Variants in COL23A1 observed in about 807,000 individuals in gnomAD.
COL23A1 encodes collagen type XXIII alpha 1 chain.
COL23A1 carries 97 observed loss-of-function variants against 99.3 expected under a neutral mutation model. That is an observed-to-expected ratio of 0.98 (90% CI 0.83 to 1.16). The LOEUF (loss-of-function observed/expected upper bound fraction) is 1.16. Ranked by LOEUF, COL23A1 falls within the 50% of genes most tolerant of loss-of-function variation. The pLI is 0.00. For missense variants in COL23A1, 762 were observed against 757.4 expected (o/e 1.01, Z -0.07); for synonymous variants, 320 against 308.2 (o/e 1.04, Z -0.40).
chr5:178,335,753 G>A (rs985890616), intron 2 of COL23A1, among the ~76,000 whole-genome samples: 1 of 152,208 alleles, frequency 6.6e-6, no homozygotes, highest in African/African-American at 2.4e-5. Context: ...CTAGGAACTA[G>A]ACCTAGGACA....
intron 2 of COL23A1, among the ~76,000 whole-genome samples, chr5:178,551,299 T>C (rs1025951399): frequency 5.9e-5 from 9 of 151,910 alleles, no homozygotes; most frequent in Non-Finnish European, 1.3e-4. Flanking sequence ...CAGATTCCAA[T>C]GGTCAGCACA....
rs535148938 is a variant in COL23A1 at position 178,313,944 on chromosome 5, C to T, written c.362-7025G>A. On this transcript the variant is annotated intron_variant, in intron 2 of 28. Coordinates refer to ENST00000390654, the MANE Select transcript of COL23A1 (RefSeq NM_173465.4). This position sits in a 1 kb window ranked among gnomAD's most constrained non-coding sequence, Gnocchi z 4.2. The stretch of plus-strand genomic sequence containing the variant: ...TTTGTTTTACAAGTCTCAGACCAAC[C>T]TCAGAGCTGAAAACTGCCCAACAAG... Among the ~76,000 whole-genome samples the T allele has an allele frequency of 1.3e-5, 2 of 152,248 alleles. No individual in the cohort carries two copies. The highest frequency in any genetic ancestry group is 4.2e-4 in the South Asian group (2 of 4,814).
chr5:178,247,713 C>T (rs1167199182), intron 21 of COL23A1, 62 bp downstream of exon 21: 13 of 1,562,722 alleles, frequency 8.3e-6, no homozygotes, highest in Non-Finnish European at 1.1e-5. Flanking sequence ...TGGGACCTAG[C>T]CCCCACCCCG....
intron 17 of COL23A1, among the ~76,000 whole-genome samples, chr5:178,251,020 A>G (rs920586394): frequency 7.9e-6 from 1 of 126,568 alleles, no homozygotes; most frequent in Non-Finnish European, 1.6e-5. Context: ...TCTAATCGCA[A>G]GATAATTTTT....
At chr5:178,501,574 C>CAAA (rs11343683) in intron 2 of COL23A1, among the ~76,000 whole-genome samples, 1 of 100,006 alleles carries the variant, frequency 1.0e-5, no homozygotes, top group East Asian at 2.8e-4. Context: ...GGCTCTGTCT[C>CAAA]AAAAAAAAAA....
intron 16 of COL23A1, among the ~76,000 whole-genome samples, chr5:178,254,239 C>T (rs2127542215): frequency 6.6e-6 from 1 of 152,294 alleles, no homozygotes; most frequent in Non-Finnish European, 1.5e-5. Context: ...GCCTGGGACA[C>T]ATCATGCATG....
chr5:178,478,367 G>T (rs1757142832), intron 2 of COL23A1, among the ~76,000 whole-genome samples: 1 of 152,212 alleles, frequency 6.6e-6, no homozygotes, highest in Non-Finnish European at 1.5e-5. Context: ...GTTCCCCTGG[G>T]CTATGAGGAG....
At chr5:178,581,590 G>T (rs903293295) in intron 1 of COL23A1, among the ~76,000 whole-genome samples, 2 of 148,726 alleles carry the variant, frequency 1.3e-5, no homozygotes, top group Non-Finnish European at 3.0e-5. Flanking sequence ...AAATTAAAAC[G>T]AAAAACAAAG....
At chr5:178,552,016 A>G (rs1391590285) in intron 2 of COL23A1, among the ~76,000 whole-genome samples, 1 of 152,000 alleles carries the variant, frequency 6.6e-6, no homozygotes. Flanking sequence ...TGCATCCCCC[A>G]TCCCAGGTGG....
intron 2 of COL23A1, among the ~76,000 whole-genome samples, chr5:178,346,624 C>A (rs1353897282): frequency 6.6e-6 from 1 of 152,178 alleles, no homozygotes; most frequent in Non-Finnish European, 1.5e-5. Context: ...CCTTCACATA[C>A]TTCCCCACAA....
intron 8 of COL23A1, 38 bp from the exon 9 acceptor site, chr5:178,263,362 G>A (rs554826201): frequency 4.5e-6 from 6 of 1,322,336 alleles, no homozygotes; most frequent in Non-Finnish European, 6.3e-6. Flanking sequence ...CTGAGGGGGA[G>A]GGGGTCCAGC....
chr5:178,455,555 C>T (rs115648742), intron 2 of COL23A1, among the ~76,000 whole-genome samples: 1 of 152,326 alleles, frequency 6.6e-6, no homozygotes, highest in Non-Finnish European at 1.5e-5. Flanking sequence ...CTGGGAAGCA[C>T]CATCCACCCA....
At chr5:178,354,648 A>G (rs1203281803) in intron 2 of COL23A1, among the ~76,000 whole-genome samples, 1 of 152,126 alleles carries the variant, frequency 6.6e-6, no homozygotes, top group Non-Finnish European at 1.5e-5. Flanking sequence ...CCATGTGAAG[A>G]TGTGCCTGCT....
chr5:178,309,890 A>G lies in COL23A1; in HGVS notation c.362-2971T>C, dbSNP rs115243105. On this transcript the variant is annotated intron_variant, in intron 2 of 28. Coordinates refer to ENST00000390654, the MANE Select transcript of COL23A1 (RefSeq NM_173465.4). The surrounding 1 kb of genome is among the most constrained non-coding windows in gnomAD (Gnocchi z 4.7). The stretch of plus-strand genomic sequence containing the variant: ...CATCTCAGGCAGCTCTGTGTCCCCA[A>G]CTCCCACTGCAGGACACGACCAAGT... Among the ~76,000 whole-genome samples, 3 of 148,652 alleles carry G rather than the reference A, an allele frequency of 2.0e-5. No homozygotes were observed. Among genetic ancestry groups the G allele is most frequent in the Non-Finnish European group, 3.0e-5 (2 of 67,232 alleles).
At chr5:178,447,492 G>T (rs1282485297) in intron 2 of COL23A1, among the ~76,000 whole-genome samples, 1 of 152,134 alleles carries the variant, frequency 6.6e-6, no homozygotes, top group Non-Finnish European at 1.5e-5. Flanking sequence ...CTATGTTTAG[G>T]TGTGTTTAGA....
Position 178,259,708 on chromosome 5 carries a change from T to C in COL23A1, c.729+13A>G, listed in dbSNP as rs918942494. On this transcript the variant is annotated intron_variant, in intron 12 of 28. Coordinates refer to ENST00000390654, the MANE Select transcript of COL23A1 (RefSeq NM_173465.4). ...AACACTGACCCGGAAGCTCCTCCAT[T>C]GGCCCCTCTCACCTTCTTTCCAGGT... 1 of 1,602,122 alleles carries C rather than the reference T, an allele frequency of 6.2e-7. No homozygotes were observed. Among genetic ancestry groups the C allele is most frequent in the Non-Finnish European group, 8.5e-7 (1 of 1,172,458 alleles).
rs1757271116 is a variant in COL23A1 at position 178,288,366 on chromosome 5, T to C, written c.415-16A>G. 2 of 1,608,722 alleles carry C rather than the reference T, an allele frequency of 1.2e-6. No individual in the cohort carries two copies. Among genetic ancestry groups the C allele is most frequent in the African/African-American group, 1.3e-5 (1 of 74,834 alleles). ...CTGATTGCCCCTGTGGTAATTAATA[T>C]GTCATTAATAATCAGAGTTTCGGCA... On this transcript the variant is annotated splice_polypyrimidine_tract_variant and intron_variant, in intron 4 of 28. Transcript: ENST00000390654.
At chr5:178,294,318 C>G in intron 3 of COL23A1, among the ~76,000 whole-genome samples, 1 of 32,092 alleles carries the variant, frequency 3.1e-5, no homozygotes, top group African/African-American at 7.0e-5. Flanking sequence ...CCAGCTCCCT[C>G]CCCAAATCAC....
intron 2 of COL23A1, among the ~76,000 whole-genome samples, chr5:178,469,521 G>A (rs563869785): frequency 2.0e-5 from 3 of 152,078 alleles, no homozygotes; most frequent in South Asian, 4.2e-4. Flanking sequence ...GTAGATGTTC[G>A]ATGGTGAGGG....
Sources: allele counts gnomAD v4.1 joint callset (sites outside exome capture counted in the v4.1 genomes callset), GRCh38; gene constraint gnomAD v4.1.1; non-coding constraint Gnocchi (gnomAD v3.1); transcripts MANE v1.5; gene names NCBI Gene and HGNC (gene_info 2026-07-23, HGNC 2026-07-21).